KLHL8: variants seen among roughly 807,000 people sequenced by gnomAD.
The protein encoded by KLHL8 is kelch-like protein 8.
In KLHL8, 38 loss-of-function variants were observed where a neutral mutation model predicts 63.5. That is an observed-to-expected ratio of 0.60 (90% CI 0.46 to 0.78). The LOEUF is 0.78. Among genes scored for constraint, KLHL8 ranks in the 30% least tolerant of loss-of-function variants. The probability of loss-of-function intolerance (pLI) is 0.00; values close to 1 mark genes in which losing one functional copy is unlikely to be tolerated. For missense variants in KLHL8, 566 were observed against 752.4 expected, an observed-to-expected ratio of 0.75 and a Z score of 2.90; for synonymous variants, 224 against 254.3, an observed-to-expected ratio of 0.88 and a Z score of 1.13.
At chr4:87,231,230 G>C (rs1029456390) in intron 1 of KLHL8, among the ~76,000 whole-genome samples, 1 of 152,120 alleles carries the variant, frequency 6.6e-6, no homozygotes. Flanking sequence ...GTCACCCTCC[G>C]CGGAATCTGT....
At chr4:87,214,308 G>A (rs929711879) in intron 1 of KLHL8, among the ~76,000 whole-genome samples, 3 of 149,096 alleles carry the variant, frequency 2.0e-5, no homozygotes, top group Admixed American at 6.7e-5. Context: ...GTTACATAAC[G>A]TTTCATTAGC....
upstream of KLHL8, among the ~76,000 whole-genome samples, chr4:87,222,234 A>T (rs887113813): frequency 1.1e-4 from 17 of 152,154 alleles, no homozygotes; most frequent in African/African-American, 4.1e-4. Flanking sequence ...TTTGTCACAA[A>T]CTATTGTCTG....
chr4:87,232,907 T>G (rs978190075), intron 1 of KLHL8, among the ~76,000 whole-genome samples: 1 of 152,176 alleles, frequency 6.6e-6, no homozygotes, highest in Admixed American at 6.5e-5. Flanking sequence ...TTAGTTTTTT[T>G]TAGGTGTAAT....
chr4:87,193,987 G>A (rs149664860), intron 2 of KLHL8, among the ~76,000 whole-genome samples: 1 of 152,296 alleles, frequency 6.6e-6, no homozygotes, highest in African/African-American at 2.4e-5. Flanking sequence ...TCTTAATATA[G>A]AATGCTTAAG....
chr4:87,201,255 A>AT (rs1227573583), intron 1 of KLHL8, among the ~76,000 whole-genome samples: 59 of 152,300 alleles, frequency 3.9e-4, no homozygotes, highest in African/African-American at 1.2e-3. Context: ...AAGATGGTAA[A>AT]TTTTATGTTG....
intron 2 of KLHL8, among the ~76,000 whole-genome samples, chr4:87,192,630 C>G (rs969892882): frequency 2.6e-5 from 4 of 152,160 alleles, no homozygotes; most frequent in African/African-American, 9.7e-5. Flanking sequence ...AGTTCTAATA[C>G]AGTCATGTGT....
In KLHL8 at chr4:87,167,177, C is replaced by T. The variant is rs79887633; in HGVS notation, c.1537+2902G>A. 966 of 525,414 alleles carry T rather than the reference C, an allele frequency of 1.8e-3. 8 individuals carry two copies. The highest frequency in any genetic ancestry group is 0.017 in the African/African-American group (890 of 51,744). 32.5% of individuals were successfully genotyped at this position (525,414 alleles called of 1,614,324 possible). ...TTGTCGCAGAAGAAAGGAAACATTA[C>T]ACTGTTTATCCACCCCCACACTAAG... On this transcript the variant is annotated intron_variant, in intron 8 of 9. Transcript: ENST00000273963.
At chr4:87,205,091 A>C (rs1312499028) in intron 1 of KLHL8, among the ~76,000 whole-genome samples, 1 of 152,226 alleles carries the variant, frequency 6.6e-6, no homozygotes, top group Non-Finnish European at 1.5e-5. Context: ...TGCTTAAGGG[A>C]TAAATCAGCC....
chr4:87,174,499 A>C (rs1020624104), intron 6 of KLHL8, among the ~76,000 whole-genome samples: 10 of 152,044 alleles, frequency 6.6e-5, no homozygotes, highest in African/African-American at 2.2e-4. Context: ...GGCTGGTCTC[A>C]AACTCCTGAC....
chr4:87,173,600 A>AT (rs1730714193), intron 6 of KLHL8, among the ~76,000 whole-genome samples: 1 of 152,238 alleles, frequency 6.6e-6, no homozygotes, highest in Non-Finnish European at 1.5e-5. Flanking sequence ...TTGGGGCTAT[A>AT]TAAGTTATAA....
chr4:87,227,214 T>C (rs950286137), intron 1 of KLHL8, among the ~76,000 whole-genome samples: 2 of 151,530 alleles, frequency 1.3e-5, no homozygotes, highest in African/African-American at 2.4e-5. Context: ...CAGCTAAAAG[T>C]GCAACTATTG....
Position 87,170,202 on chromosome 4 carries a change from C to G in KLHL8, c.1414G>C (p.Ala472Pro), listed in dbSNP as rs779168383. Reference sequence around the variant, plus strand: ...TATCTCTCCACGCTAGATAAAGAAGCCATTCCATCATTGCCACCTACTGCA... The same window carrying G: ...TATCTCTCCACGCTAGATAAAGAAGGCATTCCATCATTGCCACCTACTGCA... Reference protein sequence around the residue: ...VYAVGGNDGMASLSSVERYDP... With the variant: ...VYAVGGNDGMPSLSSVERYDP... The change falls in exon 8 of 10, where the codon GCT becomes CCT. Residue 472 changes from alanine (A) to proline (P), a missense_variant. Coordinates refer to ENST00000273963, the MANE Select transcript of KLHL8 (RefSeq NM_020803.5). 1 of 1,613,592 alleles carries G rather than the reference C, an allele frequency of 6.2e-7. No homozygotes were observed.
At chr4:87,175,459 T>C (rs568650675) in intron 6 of KLHL8, among the ~76,000 whole-genome samples, 9 of 152,326 alleles carry the variant, frequency 5.9e-5, no homozygotes, top group African/African-American at 1.9e-4. Flanking sequence ...CACCATGTTA[T>C]GTTGTACTCG....
In KLHL8 at chr4:87,210,296, G is replaced by A. The variant is rs114353575; in HGVS notation, c.-152+10122C>T. On this transcript the variant is annotated intron_variant, in intron 1 of 9. Transcript: ENST00000273963. ...GGAGATCGAGACCATCGGCTAACAC[G>A]GTGAAACCGTCTCTACTAAAAAAAA... Among the ~76,000 whole-genome samples the A allele has an allele frequency of 3.8e-3, 572 of 152,188 alleles. 15 individuals are homozygous for A. Among genetic ancestry groups the A allele is most frequent in the East Asian group, 0.026 (133 of 5,160 alleles).
chr4:87,195,393 A>C lies in KLHL8; in HGVS notation c.147T>G (p.Ala49=). 6.2e-7 allele frequency: 1 copy of C among 1,613,760 alleles called. No individual in the cohort carries two copies. Residue 49 remains alanine (A), a synonymous_variant, in exon 2 of 10, where the codon GCT becomes GCG. Coordinates refer to ENST00000273963, the MANE Select transcript of KLHL8 (RefSeq NM_020803.5). ...EDSFIFEANE[A]WKDFHGSLLR... is the part of the protein sequence containing the mutation. ...GAAGAGAACCATGAAAATCTTTCCA[A>C]GCTTCATTTGCTTCAAAAATAAAGG...
intron 4 of KLHL8, among the ~76,000 whole-genome samples, chr4:87,182,062 A>G (rs909072548): frequency 1.3e-5 from 2 of 151,982 alleles, no homozygotes; most frequent in African/African-American, 2.4e-5. Context: ...CCCCGTCTCT[A>G]CTAAAAATAC....
chr4:87,177,923 A>C (rs1050412264), intron 5 of KLHL8, among the ~76,000 whole-genome samples: 1 of 152,198 alleles, frequency 6.6e-6, no homozygotes, highest in Non-Finnish European at 1.5e-5. Context: ...AAACACACAG[A>C]GAAAGATAGG....
intron 2 of KLHL8, 107 bp downstream of exon 2, chr4:87,195,217 T>G (rs1384333519): frequency 1.3e-6 from 1 of 746,904 alleles, no homozygotes; most frequent in East Asian, 2.7e-5. Flanking sequence ...ATTCTGACTG[T>G]ATCAAATATG....
At chr4:87,239,294 G>C (rs1026064824) in intron 1 of KLHL8, among the ~76,000 whole-genome samples, 1 of 152,190 alleles carries the variant, frequency 6.6e-6, no homozygotes, top group South Asian at 2.1e-4. Flanking sequence ...AATGAATAAA[G>C]TTGTGACTCT....
Sources: gnomAD v4.1 joint callset for allele counts (sites outside exome capture counted in the v4.1 genomes callset) on GRCh38, gnomAD v4.1.1 for gene constraint, MANE v1.5 for transcripts, NCBI Gene and HGNC (gene_info 2026-07-23, HGNC 2026-07-21) for gene names.